Variants in SGIP1 observed in about 807,000 individuals in gnomAD.
The protein encoded by SGIP1 is SH3GL interacting endocytic adaptor 1.
SGIP1 carries 38 observed loss-of-function variants against 107.5 expected under a neutral mutation model. The observed-to-expected ratio is 0.35, with a 90% CI of 0.27 to 0.46. The LOEUF is 0.46. SGIP1 is among the 20% of genes least tolerant of loss of function. SGIP1 has a pLI of 1.00. For missense variants in SGIP1, 929 were observed against 1,019.5 expected, an observed-to-expected ratio of 0.91 and a Z score of 1.21; for synonymous variants, 365 against 366.1, an observed-to-expected ratio of 1.00 and a Z score of 0.03.
At chr1:66,627,979 T>A (rs970576995) in intron 2 of SGIP1, among the ~76,000 whole-genome samples, 3 of 147,166 alleles carry the variant, frequency 2.0e-5, no homozygotes, top group Non-Finnish European at 4.5e-5. Flanking sequence ...TTCCCACCTA[T>A]GAGTGAGAAC....
chr1:66,667,912 G>T (rs1197467897), intron 9 of SGIP1, among the ~76,000 whole-genome samples: 1 of 152,072 alleles, frequency 6.6e-6, no homozygotes, highest in East Asian at 1.9e-4. Flanking sequence ...ATAATAAAAT[G>T]AATAAGAATG....
intron 1 of SGIP1, among the ~76,000 whole-genome samples, chr1:66,589,433 T>C (rs911808587): frequency 6.6e-6 from 1 of 151,572 alleles, no homozygotes; most frequent in African/African-American, 2.4e-5. Context: ...ACAAATTCCC[T>C]AAATACTGGA....
At chr1:66,669,311 T>C (rs1341200533) in intron 9 of SGIP1, among the ~76,000 whole-genome samples, 2 of 152,168 alleles carry the variant, frequency 1.3e-5, no homozygotes, top group Non-Finnish European at 2.9e-5. Flanking sequence ...CTCTGTAGCT[T>C]TCTTGGTTTC....
intron 1 of SGIP1, among the ~76,000 whole-genome samples, chr1:66,581,560 A>T (rs2061826308): frequency 6.6e-6 from 1 of 152,080 alleles, no homozygotes; most frequent in Admixed American, 6.6e-5. Context: ...AAGAATAAAT[A>T]AGAATTATTT....
At chr1:66,571,632 T>G (rs4655621) in intron 1 of SGIP1, among the ~76,000 whole-genome samples, 23,441 of 152,000 alleles carry the variant, frequency 0.15, 2,360 homozygotes, top group East Asian at 0.45. Flanking sequence ...TTAAAATTGT[T>G]CAGTCATGTA....
At chr1:66,736,642 C>A (rs530572827) in intron 21 of SGIP1, among the ~76,000 whole-genome samples, 1 of 147,130 alleles carries the variant, frequency 6.8e-6, no homozygotes, top group Admixed American at 6.8e-5. Context: ...TAATATATTG[C>A]GTATTATATG....
intron 3 of SGIP1, among the ~76,000 whole-genome samples, chr1:66,634,819 A>G (rs771211224): frequency 3.9e-5 from 6 of 152,218 alleles, no homozygotes; most frequent in Non-Finnish European, 5.9e-5. Flanking sequence ...TTTACCATTT[A>G]GAAATGTTCT....
upstream of SGIP1, chr1:66,533,606 GGA>G (rs147621522): frequency 2.6e-5 from 4 of 151,838 alleles, no homozygotes; most frequent in Admixed American, 6.6e-5. Flanking sequence ...AAAGAGAGAC[GGA>G]GAGAGAGAGA....
upstream of SGIP1, chr1:66,534,061 C>T: frequency 2.0e-6 from 1 of 504,598 alleles, no homozygotes; most frequent in Non-Finnish European, 3.5e-6. Flanking sequence ...GGCTGGCTAC[C>T]ATGTGACGCG....
chr1:66,650,692 A>G (rs915821361), intron 7 of SGIP1, among the ~76,000 whole-genome samples: 1 of 152,194 alleles, frequency 6.6e-6, no homozygotes, highest in Non-Finnish European at 1.5e-5. Flanking sequence ...CTCAGCAGGT[A>G]CCTTAAAACC....
chr1:66,620,325 T>A (rs1289527813), intron 1 of SGIP1, among the ~76,000 whole-genome samples: 1 of 152,186 alleles, frequency 6.6e-6, no homozygotes, highest in East Asian at 1.9e-4. Context: ...TTTAAAAAAA[T>A]GTCTTTCAAA....
At position 66,633,989 on chromosome 1, in the gene SGIP1, T is replaced by G. The variant is rs1266506115; in HGVS notation, c.99+895T>G. On this transcript the variant is annotated intron_variant, in intron 3 of 24. Coordinates refer to ENST00000371037, the MANE Select transcript of SGIP1 (RefSeq NM_032291.4). Reference sequence around the variant, plus strand: ...AGGTTCTTAGCTTTGGGGCGCCTTTTGCCTTCATGTGGTTCTTACCATGAA... The same window carrying G: ...AGGTTCTTAGCTTTGGGGCGCCTTTGGCCTTCATGTGGTTCTTACCATGAA... The G allele has an allele frequency of 3.4e-6, 4 of 1,167,330 alleles. No individual in the cohort carries two copies. The Admixed American group carries it at 8.8e-5, about 26-fold the overall frequency. 72.3% of individuals were successfully genotyped at this position (1,167,330 alleles called of 1,614,324 possible). A position where few individuals can be genotyped will look rare whatever the true frequency, so the allele number is the denominator to read the frequency against.
chr1:66,738,577 T>G (rs533208197), intron 21 of SGIP1, among the ~76,000 whole-genome samples: 2 of 152,328 alleles, frequency 1.3e-5, no homozygotes, highest in African/African-American at 4.8e-5. Context: ...GGCTTTTTCT[T>G]GGTCAAGCTC....
chr1:66,581,621 T>G (rs12070270), intron 1 of SGIP1, among the ~76,000 whole-genome samples: 28,576 of 151,944 alleles, frequency 0.19, 3,187 homozygotes, highest in African/African-American at 0.31. Flanking sequence ...GGTTCATACC[T>G]TCTCTTAAGT....
chr1:66,542,624 C>G (rs939676712), intron 1 of SGIP1, among the ~76,000 whole-genome samples: 1 of 152,090 alleles, frequency 6.6e-6, no homozygotes, highest in African/African-American at 2.4e-5. Flanking sequence ...TAGGATGGCA[C>G]GAGATTTCAT....
intron 21 of SGIP1, among the ~76,000 whole-genome samples, chr1:66,738,472 C>A (rs139341180): frequency 7.2e-5 from 11 of 152,170 alleles, no homozygotes; most frequent in African/African-American, 2.7e-4. Flanking sequence ...AACGAACAAT[C>A]GAGAAATTCC....
At chr1:66,649,349 G>T (rs1473535546) in intron 7 of SGIP1, among the ~76,000 whole-genome samples, 1 of 152,202 alleles carries the variant, frequency 6.6e-6, no homozygotes, top group East Asian at 1.9e-4. Flanking sequence ...TGGGAAAAGT[G>T]CCAGCCCTGA....
intron 1 of SGIP1, among the ~76,000 whole-genome samples, chr1:66,572,037 G>GTC (rs2060451880): frequency 6.6e-6 from 1 of 151,988 alleles, no homozygotes; most frequent in South Asian, 2.1e-4. Flanking sequence ...TCAAGCCAAT[G>GTC]TCTCTCTGTC....
intron 14 of SGIP1, 67 bp downstream of exon 14, chr1:66,679,819 C>T: frequency 3.6e-6 from 5 of 1,384,284 alleles, no homozygotes; most frequent in Non-Finnish European, 3.9e-6. Flanking sequence ...GATGAACATG[C>T]CCTTGATGTG....
Sources: gnomAD v4.1 joint callset for allele counts (sites outside exome capture counted in the v4.1 genomes callset) on GRCh38, gnomAD v4.1.1 for gene constraint, MANE v1.5 for transcripts, NCBI Gene and HGNC (gene_info 2026-07-23, HGNC 2026-07-21) for gene names.